The following FOXP1 variants were observed in gnomAD, a reference collection of about 807,000 sequenced individuals.
The protein encoded by FOXP1 is forkhead box P1, also known as forkhead box protein P1.
A neutral mutation model predicts 98.2 loss-of-function variants in FOXP1; 15 were observed. That is an observed-to-expected ratio of 0.15 (90% CI 0.10 to 0.24). The LOEUF is 0.24. FOXP1 is among the 10% of genes least tolerant of loss of function. The probability of loss-of-function intolerance (pLI) is 1.00; values close to 1 mark genes in which losing one functional copy is unlikely to be tolerated. For synonymous variants in FOXP1, 371 were observed against 314.5 expected, an observed-to-expected ratio of 1.18 and a Z score of -1.90; for missense variants, 633 against 848.5, an observed-to-expected ratio of 0.75 and a Z score of 3.15.
At chr3:70,978,417 G>A (rs376056420) in intron 14 of FOXP1, among the ~76,000 whole-genome samples, 3 of 152,334 alleles carry the variant, frequency 2.0e-5, no homozygotes, top group East Asian at 3.9e-4. Context: ...TACCAGTGAA[G>A]CTGAGTATTT....
intron 2 of FOXP1, among the ~76,000 whole-genome samples, chr3:71,514,649 T>C (rs2042431385): frequency 6.6e-6 from 1 of 152,196 alleles, no homozygotes; most frequent in South Asian, 2.1e-4. Context: ...TTGGGAAGGG[T>C]ATGTTCTCTT....
intron 3 of FOXP1, among the ~76,000 whole-genome samples, chr3:71,402,171 C>G (rs946635967): frequency 6.6e-6 from 1 of 152,108 alleles, no homozygotes. Flanking sequence ...AATAAAATCA[C>G]AGGCCGGGCG....
chr3:71,393,611 A>G (rs909110912), intron 3 of FOXP1, among the ~76,000 whole-genome samples: 6 of 152,232 alleles, frequency 3.9e-5, no homozygotes, highest in African/African-American at 1.4e-4. Context: ...ATTTAAAATA[A>G]TTAGCACCAT....
At chr3:71,378,085 C>T (rs139957332) in intron 3 of FOXP1, among the ~76,000 whole-genome samples, 1,693 of 98,422 alleles carry the variant, frequency 0.017, 30 homozygotes, top group Admixed American at 0.063. Context: ...GGAATCAATA[C>T]AGGCCAAGAA....
At chr3:71,294,451 C>A (rs556237313) in intron 5 of FOXP1, among the ~76,000 whole-genome samples, 1 of 152,258 alleles carries the variant, frequency 6.6e-6, no homozygotes, top group African/African-American at 2.4e-5. Context: ...CTTCCTAACA[C>A]CCATCATCAG....
chr3:70,999,073 G>A (rs2041778212), intron 13 of FOXP1, among the ~76,000 whole-genome samples: 1 of 152,048 alleles, frequency 6.6e-6, no homozygotes, highest in African/African-American at 2.4e-5. Context: ...TACAAATTCT[G>A]GTAGGAAGGT....
At chr3:71,345,274 G>A (rs1305403844) in intron 4 of FOXP1, among the ~76,000 whole-genome samples, 1 of 151,958 alleles carries the variant, frequency 6.6e-6, no homozygotes, top group Non-Finnish European at 1.5e-5. Context: ...TGTAGTCCCA[G>A]CTACTCGGGA....
At chr3:71,159,780 G>A (rs911056673) in intron 6 of FOXP1, among the ~76,000 whole-genome samples, 1 of 152,130 alleles carries the variant, frequency 6.6e-6, no homozygotes, top group Admixed American at 6.5e-5. Flanking sequence ...CACACACAAT[G>A]GGTTTATCAA....
At chr3:71,108,626 C>T (rs1392471641) in intron 7 of FOXP1, among the ~76,000 whole-genome samples, 9 of 152,004 alleles carry the variant, frequency 5.9e-5, no homozygotes, top group African/African-American at 1.9e-4. Context: ...ATTATCTGGG[C>T]GTGGTGGTGC....
At chr3:71,266,314 A>T (rs534189099) in intron 5 of FOXP1, among the ~76,000 whole-genome samples, 14 of 152,132 alleles carry the variant, frequency 9.2e-5, no homozygotes, top group African/African-American at 3.4e-4. Context: ...CAGTGGCTTG[A>T]TCTCAGCTCA....
intron 3 of FOXP1, among the ~76,000 whole-genome samples, chr3:71,388,178 T>C (rs1052021788): frequency 2.0e-5 from 3 of 152,216 alleles, no homozygotes; most frequent in African/African-American, 4.8e-5. Flanking sequence ...GTCGGCCTTA[T>C]TTAAAGAATG....
chr3:71,073,162 A>G (rs1207134706), intron 7 of FOXP1, among the ~76,000 whole-genome samples: 1 of 152,190 alleles, frequency 6.6e-6, no homozygotes, highest in Admixed American at 6.5e-5. Flanking sequence ...GCGATGTCCA[A>G]TTTTTGAGAT....
chr3:71,326,894 G>A lies in FOXP1; in HGVS notation c.-72-27014C>T, dbSNP rs187163102. ...AATGAGACAATAATCCAAACTATAA[G>A]AGAAATAGTTGGAGGAAGTCATTAG... On this transcript the variant is annotated intron_variant, in intron 4 of 20. Transcript: ENST00000649528. Among the ~76,000 whole-genome samples the A allele has an allele frequency of 3.1e-3, 475 of 152,238 alleles. 2 individuals carry two copies. The highest frequency in any genetic ancestry group is 0.011 in the African/African-American group (449 of 41,530).
intron 14 of FOXP1, among the ~76,000 whole-genome samples, chr3:70,981,388 CCACTGCTGGGCTGTCTCTAATAAGCCA>C (rs2038836771): frequency 1.3e-5 from 2 of 151,910 alleles, no homozygotes; most frequent in South Asian, 4.2e-4. Flanking sequence ...TGATTCACAC[CCACTGCTGGGCTGTCTCTAATAAGCCA>C]CAGAGGAAGC....
intron 6 of FOXP1, among the ~76,000 whole-genome samples, chr3:71,191,507 G>T (rs906482443): frequency 6.6e-6 from 1 of 152,118 alleles, no homozygotes; most frequent in African/African-American, 2.4e-5. Context: ...TCTGTTACAG[G>T]TCTTTTTTCT....
chr3:71,209,924 A>G (rs556363510), intron 5 of FOXP1, among the ~76,000 whole-genome samples: 1 of 152,250 alleles, frequency 6.6e-6, no homozygotes, highest in African/African-American at 2.4e-5. Context: ...TTGGTAATTT[A>G]TCTATATCTT....
At chr3:71,403,771 G>C (rs910434644) in intron 3 of FOXP1, among the ~76,000 whole-genome samples, 1 of 151,966 alleles carries the variant, frequency 6.6e-6, no homozygotes. Context: ...AGATTGTTTG[G>C]GCCCAAGAGG....
At chr3:71,307,034 T>A (rs753425310) in intron 4 of FOXP1, among the ~76,000 whole-genome samples, 1 of 152,226 alleles carries the variant, frequency 6.6e-6, no homozygotes, top group Non-Finnish European at 1.5e-5. Context: ...TCCAGCTACA[T>A]GTTGGTCTTA....
chr3:71,236,229 T>C (rs564912668), intron 5 of FOXP1, among the ~76,000 whole-genome samples: 1 of 152,358 alleles, frequency 6.6e-6, no homozygotes, highest in South Asian at 2.1e-4. Flanking sequence ...GGGTAGGTGC[T>C]ATATTCTCAA....
Sources: gnomAD v4.1 joint callset for allele counts (sites outside exome capture counted in the v4.1 genomes callset) on GRCh38, gnomAD v4.1.1 for gene constraint, MANE v1.5 for transcripts, NCBI Gene and HGNC (gene_info 2026-07-23, HGNC 2026-07-21) for gene names.